Variants in CYP4A11 observed in about 807,000 individuals in gnomAD.
CYP4A11 encodes cytochrome P450 4A11.
Under a neutral mutation model 57.7 loss-of-function variants are expected in CYP4A11, and 52 were observed. The ratio of observed to expected loss-of-function variants is 0.90; its 90% CI spans 0.72 to 1.14. The LOEUF (loss-of-function observed/expected upper bound fraction) is 1.14. Among genes scored for constraint, CYP4A11 ranks in the 50% most tolerant of loss-of-function variants. The pLI, the probability that CYP4A11 is intolerant of heterozygous loss-of-function variation, is 0.00. For synonymous variants in CYP4A11, 228 were observed against 247.1 expected (o/e 0.92, Z 0.72); for missense variants, 641 against 642.1 (o/e 1.00, Z 0.02).
chr1:46,930,203 A>G lies in CYP4A11; in HGVS notation c.1472T>C (p.Ile491Thr), dbSNP rs1216734147. 6.2e-6 allele frequency: 10 copies of G among 1,614,078 alleles called. No individual in the cohort carries two copies. The highest frequency in any genetic ancestry group is 1.7e-4 in the Middle Eastern group (1 of 6,058). The stretch of plus-strand genomic sequence containing the variant: ...TTTGGATTTCAACACAAGTCGTGCA[A>G]TGGGGATGGGGATCCTGGTGGGATC... The part of the protein sequence containing the change: ...LPDPTRIPIP[I>T]ARLVLKSKNG... Residue 491 changes from isoleucine to threonine, a missense_variant, in exon 12 of 12, where the codon ATT becomes ACT. Transcript: ENST00000310638.
In CYP4A11 at chr1:46,934,179, G is replaced by T; in HGVS notation, c.1085C>A (p.Thr362Asn). The change falls in exon 8 of 12, where the codon ACC becomes AAC. Residue 362 changes from threonine (T) to asparagine (N), a missense_variant. Coordinates refer to ENST00000310638, the MANE Select transcript of CYP4A11 (RefSeq NM_000778.4). Reference sequence around the variant, plus strand: ...CATCTTTTGAGCCCTCACTCACCAGGTGATGGAGGCTCCATCACCCAGGAG... The same window carrying T: ...CATCTTTTGAGCCCTCACTCACCAGTTGATGGAGGCTCCATCACCCAGGAG... ...HSLLGDGASI[T>N]WNHLDQMPYT... 6.2e-7 allele frequency: 1 copy of T among 1,613,880 alleles called. No homozygotes were observed. The highest frequency in any genetic ancestry group is 8.5e-7 in the Non-Finnish European group (1 of 1,179,882).
Position 46,930,010 on chromosome 1 carries a change from G to C in CYP4A11, c.*105C>G, listed in dbSNP as rs1680912200. On this transcript the variant is annotated 3_prime_UTR_variant, in exon 12 of 12. Transcript: ENST00000310638. The stretch of plus-strand genomic sequence containing the variant: ...AGGGCAGGCAGACTGGGGGACAGCA[G>C]GCAGGTGGGAAGAAGGGAAGGTGGG... 1 of 1,384,456 alleles carries C rather than the reference G, an allele frequency of 7.2e-7. No homozygotes were observed. Among genetic ancestry groups the C allele is most frequent in the South Asian group, 1.5e-5 (1 of 66,820 alleles). 85.8% of individuals were successfully genotyped at this position (1,384,456 alleles called of 1,614,324 possible). A position where few individuals can be genotyped will look rare whatever the true frequency, so the allele number is the denominator to read the frequency against.
chr1:46,935,458 C>A (rs1400996397), intron 5 of CYP4A11, 65 bp downstream of exon 5: 18 of 1,527,272 alleles, frequency 1.2e-5, no homozygotes, highest in African/African-American at 4.2e-5. Context: ...CCCCACCTGC[C>A]CCTCAGGTAT....
At chr1:46,940,227 A>G (rs1372562290) in intron 1 of CYP4A11, among the ~76,000 whole-genome samples, 1 of 152,200 alleles carries the variant, frequency 6.6e-6, no homozygotes, top group African/African-American at 2.4e-5. Flanking sequence ...GAAGAAAAAT[A>G]ATTGTCTTGA....
At position 46,934,489 on chromosome 1, in the gene CYP4A11, C is replaced by G; in HGVS notation, c.861G>C (p.Arg287Ser). The G allele has an allele frequency of 6.2e-7, 1 of 1,613,880 alleles. No individual in the cohort carries two copies. The highest frequency in any genetic ancestry group is 8.5e-7 in the Non-Finnish European group (1 of 1,179,844). ...EGELEKIKRK[R>S]HLDFLDILLL... ...GGAGGATATCCAGAAAATCCAAATG[C>G]CTCTTCCTCTTGATCTTCTCCAGCT... The change falls in exon 7 of 12, where the codon AGG becomes AGC. Residue 287 changes from arginine (R) to serine (S), a missense_variant. Physicochemically the swap from Arg to Ser is moderately radical, Grantham distance 110 (BLOSUM62 -1). Transcript: ENST00000310638.
intron 1 of CYP4A11, among the ~76,000 whole-genome samples, chr1:46,939,699 C>A (rs1182573589): frequency 6.6e-6 from 1 of 151,982 alleles, no homozygotes; most frequent in Admixed American, 6.5e-5. Flanking sequence ...ACCCAGGAGG[C>A]CTTCTTGAAG....
chr1:46,936,960 G>A (rs1254562776), intron 3 of CYP4A11, among the ~76,000 whole-genome samples, 169 bp from the exon 4 acceptor site: 3 of 152,108 alleles, frequency 2.0e-5, no homozygotes, highest in African/African-American at 7.2e-5. Context: ...AGGAAAAGGA[G>A]GTATATTTCA....
chr1:46,931,746 G>T, intron 11 of CYP4A11: 1 of 660,192 alleles, frequency 1.5e-6, no homozygotes, highest in Non-Finnish European at 1.9e-6. Context: ...AGCCTGTTCT[G>T]TGTAAGTGGA....
Position 46,938,001 on chromosome 1 carries a change from C to T in CYP4A11, c.332G>A (p.Arg111Lys). The change falls in exon 2 of 12, where the codon AGA becomes AAA. Residue 111 changes from arginine to lysine, a missense_variant. Arg to Lys is a conservative substitution (Grantham distance 26). Transcript: ENST00000310638. ...GGATGGGGGTTCGATCTCACCTGAT[C>T]TCCCCAGAATCACCTTCATATAGTC... ...DPDYMKVILG[R>K]SDPKSHGSYR... is the part of the protein sequence containing the mutation. 6.2e-7 allele frequency: 1 copy of T among 1,614,070 alleles called. No individual in the cohort carries two copies. Among genetic ancestry groups the T allele is most frequent in the South Asian group, 1.1e-5 (1 of 91,058 alleles).
intron 10 of CYP4A11, 58 bp from the exon 11 acceptor site, chr1:46,932,895 A>G (rs1310479814): frequency 6.2e-7 from 1 of 1,614,076 alleles, no homozygotes; most frequent in South Asian, 1.1e-5. Flanking sequence ...CTTGCCACCC[A>G]TGGGGGACAG....
Position 46,932,896 on chromosome 1 carries a change from T to C in CYP4A11, c.1288-59A>G, listed in dbSNP as rs1458258273. On this transcript the variant is annotated intron_variant, in intron 10 of 11. Coordinates refer to ENST00000310638, the MANE Select transcript of CYP4A11 (RefSeq NM_000778.4). ...GGATCCAGCACCTACTTGCCACCCA[T>C]GGGGGACAGGACTCCCAGAGGTGGA... 8 of 1,613,924 alleles carry C rather than the reference T, an allele frequency of 5.0e-6. No individual in the cohort carries two copies. The East Asian group carries it at 1.3e-4, about 27-fold the overall frequency.
chr1:46,929,939 CAGGT>C lies in CYP4A11; in HGVS notation c.*172_*175del. On this transcript the variant is annotated 3_prime_UTR_variant, in exon 12 of 12. Coordinates refer to ENST00000310638, the MANE Select transcript of CYP4A11 (RefSeq NM_000778.4). Reference sequence around the variant, plus strand: ...ACAAGAGATACAGGTGGGTAGGAGACAGGTAGACAAGCAGGTAGGGAGCCTGGAG... The same window carrying C: ...ACAAGAGATACAGGTGGGTAGGAGACAGACAAGCAGGTAGGGAGCCTGGAG... 1 of 884,566 alleles carries C rather than the reference CAGGT, an allele frequency of 1.1e-6. No individual in the cohort carries two copies. The allele number at this position is 884,566 out of a possible 1,614,324, so 54.8% of individuals were successfully genotyped here.
Position 46,930,151 on chromosome 1 carries a change from C to A in CYP4A11, c.1524G>T (p.Arg508Ser), listed in dbSNP as rs1680925110. The change falls in exon 12 of 12, where the codon AGG becomes AGT. Residue 508 changes from arginine to serine, a missense_variant. Coordinates refer to ENST00000310638, the MANE Select transcript of CYP4A11 (RefSeq NM_000778.4). Reference sequence around the variant, plus strand: ...CCTTGTCTTCACAAGGGTTAGGGAGCCTCCTGAGACGCAGGTGGATTCCAT... The same window carrying A: ...CCTTGTCTTCACAAGGGTTAGGGAGACTCCTGAGACGCAGGTGGATTCCAT... ...SKNGIHLRLR[R>S]LPNPCEDKDQ... 1.2e-6 allele frequency: 2 copies of A among 1,613,758 alleles called. No individual in the cohort carries two copies. Among genetic ancestry groups the A allele is most frequent in the Non-Finnish European group, 1.7e-6 (2 of 1,179,798 alleles).
intron 3 of CYP4A11, among the ~76,000 whole-genome samples, chr1:46,936,996 G>T (rs1681448095): frequency 6.6e-6 from 1 of 152,180 alleles, no homozygotes; most frequent in Admixed American, 6.5e-5. Flanking sequence ...TGATTGAGCT[G>T]CTACATGCAT....
intron 11 of CYP4A11, chr1:46,931,861 A>C (rs1200858822): frequency 1.1e-6 from 1 of 917,614 alleles, no homozygotes; most frequent in Admixed American, 6.2e-5. Flanking sequence ...ACGATTCCTG[A>C]TGCCACAATG....
chr1:46,930,343 G>T, intron 11 of CYP4A11, 33 bp from the exon 12 acceptor site: 3 of 1,591,184 alleles, frequency 1.9e-6, no homozygotes, highest in Non-Finnish European at 2.6e-6. Flanking sequence ...ATTGAGAAGT[G>T]TCCTCAGGCC....
At chr1:46,937,240 A>T in intron 3 of CYP4A11, 62 bp downstream of exon 3, 1 of 1,573,518 alleles carries the variant, frequency 6.4e-7, no homozygotes, top group South Asian at 1.1e-5. Context: ...GTTCTCTGTG[A>T]GCCAAATAAA....
intron 1 of CYP4A11, among the ~76,000 whole-genome samples, 189 bp from the exon 2 acceptor site, chr1:46,938,326 C>A (rs1290405610): frequency 3.3e-5 from 5 of 152,190 alleles, no homozygotes; most frequent in South Asian, 4.1e-4. Context: ...GCGCTATGAG[C>A]CCTCGCTCAA....
rs944833809 is a variant in CYP4A11 at position 46,935,090 on chromosome 1, T to C, written c.700A>G (p.Asn234Asp). The C allele has an allele frequency of 1.9e-6, 3 of 1,613,952 alleles. No individual in the cohort carries two copies. The African/African-American group carries it at 4.0e-5, about 22-fold the overall frequency. ...ATGGTGTCATTCTGGTGAAAGGCATTCCTCACACGGGAAAAAACCAGGTTG... is the reference window on the plus strand; with the variant it reads ...ATGGTGTCATTCTGGTGAAAGGCATCCCTCACACGGGAAAAAACCAGGTTG... ...LNNLVFSRVR[N>D]AFHQNDTIYS... The change falls in exon 6 of 12, where the codon AAT (asparagine) becomes GAT (aspartate). Residue 234 changes from asparagine to aspartate, a missense_variant. Asn to Asp is a conservative substitution (Grantham distance 23). Coordinates refer to ENST00000310638, the MANE Select transcript of CYP4A11 (RefSeq NM_000778.4).
Sources: gnomAD v4.1 joint callset for allele counts (sites outside exome capture counted in the v4.1 genomes callset) on GRCh38, gnomAD v4.1.1 for gene constraint, MANE v1.5 for transcripts, NCBI Gene and HGNC (gene_info 2026-07-23, HGNC 2026-07-21) for gene names.